The following MIB2 variants were observed in gnomAD, a reference collection of about 807,000 sequenced individuals.
The protein encoded by MIB2 is E3 ubiquitin-protein ligase MIB2.
In MIB2, 78 loss-of-function variants were observed where a neutral mutation model predicts 96.6. The ratio of observed to expected loss-of-function variants is 0.81; its 90% CI spans 0.67 to 0.97. The LOEUF (loss-of-function observed/expected upper bound fraction) is 0.97, where lower values mean the gene tolerates loss of function less well. Among genes scored for constraint, MIB2 ranks in the 50% least tolerant of loss-of-function variants. The pLI is 0.00. For missense variants in MIB2, 1,543 were observed against 1,424.0 expected (o/e 1.08, Z -1.35); for synonymous variants, 820 against 629.5 (o/e 1.30, Z -4.53).
chr1:1,625,436 G>A lies in MIB2; in HGVS notation c.864+8G>A, dbSNP rs774047405. 4.0e-5 allele frequency: 62 copies of A among 1,557,622 alleles called. No homozygotes were observed. The highest frequency in any genetic ancestry group is 5.9e-5 in the South Asian group (5 of 85,052). On this transcript the variant is annotated splice_region_variant and intron_variant, in intron 7 of 19. Coordinates refer to ENST00000355826, the MANE Select transcript of MIB2 (RefSeq NM_001170687.4). The surrounding 1 kb of genome is among the most constrained non-coding windows in gnomAD (Gnocchi z 5.0). ...AACCCCAGGATGGCGGAGGTGAGCC[G>A]CCCCGCCGTGGAGCCCTGTGTGCCC...
rs1557635532 is a variant in MIB2, at chr1:1,630,575, C to G, written c.*45C>G. The G allele has an allele frequency of 3.5e-6, 5 of 1,411,862 alleles. No individual in the cohort carries two copies. The East Asian group carries it at 1.3e-4, about 37-fold the overall frequency. 87.5% of individuals were successfully genotyped at this position (1,411,862 alleles called of 1,614,324 possible). A position where few individuals can be genotyped will look rare whatever the true frequency, so the allele number is the denominator to read the frequency against. The stretch of plus-strand genomic sequence containing the variant: ...CCGAGCTGCCTTCGCGTGCCCCCGC[C>G]CTGTGTTTTATAAAAAGAAAGATTC... On this transcript the variant is annotated 3_prime_UTR_variant, in exon 20 of 20. Coordinates refer to ENST00000355826, the MANE Select transcript of MIB2 (RefSeq NM_001170687.4).
intron 19 of MIB2, among the ~76,000 whole-genome samples, chr1:1,630,091 T>C (rs1443067312): frequency 7.2e-6 from 1 of 138,620 alleles, no homozygotes; most frequent in East Asian, 2.2e-4. Context: ...CACACCACCT[T>C]ATGCCTGATT....
intron 2 of MIB2, among the ~76,000 whole-genome samples, chr1:1,621,808 C>T (rs760955722): frequency 5.3e-5 from 8 of 152,226 alleles, no homozygotes; most frequent in African/African-American, 1.9e-4. Context: ...ATCGGGGGCA[C>T]GGATCGGGAG....
intron 2 of MIB2, chr1:1,617,671 A>G (rs1643880425): frequency 6.6e-6 from 1 of 152,212 alleles, no homozygotes; most frequent in African/African-American, 2.4e-5. Flanking sequence ...GGAAGTAGCA[A>G]TTAAATGCCT....
At chr1:1,622,172 C>G (rs1463410483) in intron 2 of MIB2, among the ~76,000 whole-genome samples, 1 of 152,230 alleles carries the variant, frequency 6.6e-6, no homozygotes, top group Admixed American at 6.5e-5. Flanking sequence ...ACTGCCGTGT[C>G]CCCCACCTCT....
At chr1:1,615,497 C>T, upstream of MIB2, 2 of 1,527,614 alleles carry the variant, frequency 1.3e-6, no homozygotes, top group Non-Finnish European at 1.7e-6. Flanking sequence ...GCCCTGGGCT[C>T]CCGCCCTTCG....
At position 1,623,689 on chromosome 1, in the gene MIB2, C is replaced by T. The variant is rs1054910547; in HGVS notation, c.237C>T (p.Asn79=). Residue 79 remains asparagine (N), a synonymous_variant, in exon 3 of 20, where the codon AAC becomes AAT. Transcript: ENST00000355826. ...CGCACGACCTGCTGCTGTACGACAA[C>T]GCCCAGATCGGTGCGCGCCAAGGGC... ...QGAHDLLLYD[N]AQIGVRHPNI... is the part of the protein sequence containing the mutation. The T allele has an allele frequency of 8.6e-6, 13 of 1,503,318 alleles. No homozygotes were observed. The highest frequency in any genetic ancestry group is 2.6e-5 in the South Asian group (2 of 76,876). 93.1% of individuals were successfully genotyped at this position (1,503,318 alleles called of 1,614,324 possible).
At position 1,625,708 on chromosome 1, in the gene MIB2, G is replaced by C. The variant is rs1056603649; in HGVS notation, c.972+55G>C. 10 of 1,442,908 alleles carry C rather than the reference G, an allele frequency of 6.9e-6. No individual in the cohort carries two copies. The highest frequency in any genetic ancestry group is 2.5e-5 in the South Asian group (2 of 81,136). The allele number at this position is 1,442,908 out of a possible 1,614,324, so 89.4% of individuals were successfully genotyped here. ...TGCTTGCTTCTGTAACCCCTTCCACGTACCCCCTTGGCCTTGGGGGGTCAG... is the reference window on the plus strand; with the variant it reads ...TGCTTGCTTCTGTAACCCCTTCCACCTACCCCCTTGGCCTTGGGGGGTCAG... On this transcript the variant is annotated intron_variant, in intron 8 of 19. Coordinates refer to ENST00000355826, the MANE Select transcript of MIB2 (RefSeq NM_001170687.4). The surrounding 1 kb of genome is among the most constrained non-coding windows in gnomAD (Gnocchi z 5.0).
Position 1,626,943 on chromosome 1 carries a change from A to G in MIB2, c.1184A>G (p.Tyr395Cys), listed in dbSNP as rs368815922. The change falls in exon 10 of 20, where the codon TAC becomes TGC. Residue 395 changes from tyrosine (Y) to cysteine (C), a missense_variant. Tyr to Cys is a radical substitution (Grantham distance 194, BLOSUM62 -2). Coordinates refer to ENST00000355826, the MANE Select transcript of MIB2 (RefSeq NM_001170687.4). The surrounding 1 kb of genome is among the most constrained non-coding windows in gnomAD (Gnocchi z 5.3). ...WTFSPSCLVA[Y>C]RPEEDANLDV... ...TTCAGCCCCTCCTGCCTGGTGGCCT[A>G]CCGGCCCGAGGAGGATGCCAACCTG... 2.5e-6 allele frequency: 4 copies of G among 1,610,900 alleles called. No homozygotes were observed. Among genetic ancestry groups the G allele is most frequent in the Non-Finnish European group, 1.7e-6 (2 of 1,179,554 alleles).
intron 1 of MIB2, chr1:1,616,020 G>T: frequency 1.0e-6 from 1 of 984,606 alleles, no homozygotes; most frequent in Non-Finnish European, 1.2e-6. Context: ...GGGACAGACC[G>T]ACAGACGGAC....
Position 1,626,020 on chromosome 1 carries a change from G to A in MIB2, c.972+367G>A, listed in dbSNP as rs1031043478. 3.8e-6 allele frequency: 1 copy of A among 265,732 alleles called. No homozygotes were observed. Among genetic ancestry groups the A allele is most frequent in the Admixed American group, 4.9e-5 (1 of 20,426 alleles). The allele number at this position is 265,732 out of a possible 1,614,324, so 16.5% of individuals were successfully genotyped here. A position where few individuals can be genotyped will look rare whatever the true frequency, so the allele number is the denominator to read the frequency against. ...GGGGGTGGCTGGTTAGGACAGGGAG[G>A]TGGATGCTTGGCCTAGAGTGGTGGG... is the stretch of plus-strand genomic sequence containing the variant. On this transcript the variant is annotated intron_variant, in intron 8 of 19. Transcript: ENST00000355826. This position sits in a 1 kb window ranked among gnomAD's most constrained non-coding sequence, Gnocchi z 5.3.
chr1:1,626,034 T>C lies in MIB2; in HGVS notation c.972+381T>C, dbSNP rs1416718546. Reference sequence around the variant, plus strand: ...AGGACAGGGAGGTGGATGCTTGGCCTAGAGTGGTGGGGGAGGTAGTGAGGG... The same window carrying C: ...AGGACAGGGAGGTGGATGCTTGGCCCAGAGTGGTGGGGGAGGTAGTGAGGG... On this transcript the variant is annotated intron_variant, in intron 8 of 19. Transcript: ENST00000355826. This position sits in a 1 kb window ranked among gnomAD's most constrained non-coding sequence, Gnocchi z 5.3. The C allele has an allele frequency of 3.5e-5, 7 of 198,494 alleles. No homozygotes were observed. The highest frequency in any genetic ancestry group is 3.8e-5 in the Non-Finnish European group (4 of 104,664). The allele number at this position is 198,494 out of a possible 1,614,324, so 12.3% of individuals were successfully genotyped here.
chr1:1,623,268 C>T (rs1375385050), intron 2 of MIB2, 163 bp from the exon 3 acceptor site: 18 of 1,222,688 alleles, frequency 1.5e-5, no homozygotes, highest in Non-Finnish European at 2.0e-5. Context: ...AGACTGCGGG[C>T]CTCCTTGGGC....
At chr1:1,619,382 C>A (rs1024277402) in intron 2 of MIB2, among the ~76,000 whole-genome samples, 1 of 152,154 alleles carries the variant, frequency 6.6e-6, no homozygotes, top group African/African-American at 2.4e-5. Context: ...CTCAAAAAAA[C>A]CAAAACTGCT....
rs369245027 is a variant in MIB2, at chr1:1,628,605, C to T, written c.2085C>T (p.Asn695=). ...TGGTGGACGCTGGGTGCAGTGTCAA[C>T]GCCGAGGACGAGGAGGGGGACACAG... ...PLLVDAGCSV[N]AEDEEGDTAL... Residue 695 remains asparagine (N), a synonymous_variant, in exon 16 of 20, where the codon AAC becomes AAT. Coordinates refer to ENST00000355826, the MANE Select transcript of MIB2 (RefSeq NM_001170687.4). 135 of 1,599,370 alleles carry T rather than the reference C, an allele frequency of 8.4e-5. No homozygotes were observed. In the African/African-American group the frequency reaches 1.4e-3, roughly 17 times the overall value.
rs539418198 is a variant in MIB2 at position 1,626,489 on chromosome 1, C to A, written c.973-161C>A. 1.3e-5 allele frequency: 8 copies of A among 624,892 alleles called. No individual in the cohort carries two copies. The highest frequency in any genetic ancestry group is 1.2e-4 in the South Asian group (6 of 49,290). The allele number at this position is 624,892 out of a possible 1,614,324, so 38.7% of individuals were successfully genotyped here. A position where few individuals can be genotyped will look rare whatever the true frequency, so the allele number is the denominator to read the frequency against. ...GGCTGCCTTGGACACCTGGGGCTCT[C>A]GTCCAGCCAGAGCCTCTGGCAGTGC... On this transcript the variant is annotated intron_variant, in intron 8 of 19. Transcript: ENST00000355826. This position sits in a 1 kb window ranked among gnomAD's most constrained non-coding sequence, Gnocchi z 5.3.
intron 1 of MIB2, 86 bp downstream of exon 1, chr1:1,615,719 G>A (rs1341882102): frequency 1.7e-5 from 26 of 1,495,842 alleles, no homozygotes; most frequent in Middle Eastern, 2.3e-4. Flanking sequence ...AGCGCCGTCC[G>A]GTTCCCGCTC....
intron 1 of MIB2, 43 bp downstream of exon 1, chr1:1,615,676 TCCCCGA>T: frequency 6.5e-7 from 1 of 1,535,206 alleles, no homozygotes; most frequent in Non-Finnish European, 8.7e-7. Context: ...CTCCGCACCG[TCCCCGA>T]GTCGTTCTCC....
intron 4 of MIB2, 109 bp from the exon 5 acceptor site, chr1:1,624,686 G>A: frequency 9.6e-7 from 1 of 1,043,406 alleles, no homozygotes; most frequent in Non-Finnish European, 1.4e-6. Flanking sequence ...GAGCCCAGCA[G>A]GCTGGGTGGA....
Sources: allele counts gnomAD v4.1 joint callset (sites outside exome capture counted in the v4.1 genomes callset), GRCh38; gene constraint gnomAD v4.1.1; non-coding constraint Gnocchi (gnomAD v3.1); transcripts MANE v1.5; gene names NCBI Gene and HGNC (gene_info 2026-07-23, HGNC 2026-07-21).